Variants in KDM5A observed in about 807,000 individuals in gnomAD.
The protein encoded by KDM5A is lysine demethylase 5A, also known as lysine-specific demethylase 5A.
Under a neutral mutation model 193.5 loss-of-function variants are expected in KDM5A, and 42 were observed. The ratio of observed to expected loss-of-function variants is 0.22; its 90% CI spans 0.17 to 0.28. The LOEUF is 0.28. Ranked by LOEUF, KDM5A falls within the 10% of genes least tolerant of loss-of-function variation. The probability of loss-of-function intolerance (pLI) is 1.00; values close to 1 mark genes in which losing one functional copy is unlikely to be tolerated. For missense variants in KDM5A, 1,692 were observed against 2,055.1 expected (o/e 0.82, Z 3.42); for synonymous variants, 796 against 718.1 (o/e 1.11, Z -1.73).
intron 3 of KDM5A, among the ~76,000 whole-genome samples, chr12:366,654 G>C (rs1326823415): frequency 6.6e-6 from 1 of 152,150 alleles, no homozygotes; most frequent in Non-Finnish European, 1.5e-5. Context: ...AAAAGATTAG[G>C]TTGCAGTAGA....
chr12:376,604 C>T (rs1240490628), intron 3 of KDM5A, among the ~76,000 whole-genome samples: 6 of 152,214 alleles, frequency 3.9e-5, no homozygotes, highest in African/African-American at 1.4e-4. Context: ...CACTGTCCAA[C>T]AAGCCCCAGT....
At chr12:385,444 G>A (rs1227510140) in intron 2 of KDM5A, among the ~76,000 whole-genome samples, 2 of 151,762 alleles carry the variant, frequency 1.3e-5, no homozygotes, top group African/African-American at 4.8e-5. Flanking sequence ...TAATTAAAAA[G>A]TAATACTTAA....
chr12:389,127 G>A lies in KDM5A; in HGVS notation c.-36C>T, dbSNP rs775556352. Reference sequence around the variant, plus strand: ...GGGGGGGGGGGGGGGTCCCCGTGGGGAACCGGTGGAGAAAAGCTGGCTGAA... The same window carrying A: ...GGGGGGGGGGGGGGGTCCCCGTGGGAAACCGGTGGAGAAAAGCTGGCTGAA... On this transcript the variant is annotated 5_prime_UTR_variant, in exon 1 of 28. Coordinates refer to ENST00000399788, the MANE Select transcript of KDM5A (RefSeq NM_001042603.3). 9 of 1,589,348 alleles carry A rather than the reference G, an allele frequency of 5.7e-6. No individual in the cohort carries two copies. In the East Asian group the frequency reaches 1.8e-4, roughly 32 times the overall value.
At chr12:331,694 C>G (rs1312291995) in intron 13 of KDM5A, 125 bp downstream of exon 13, 1 of 947,624 alleles carries the variant, frequency 1.1e-6, no homozygotes, top group South Asian at 1.3e-5. Context: ...AATAGCCACT[C>G]CAGTCTCCAC....
At chr12:386,781 C>G (rs1201496816) in intron 1 of KDM5A, among the ~76,000 whole-genome samples, 1 of 152,106 alleles carries the variant, frequency 6.6e-6, no homozygotes, top group Non-Finnish European at 1.5e-5. Flanking sequence ...CTCAGAGAAG[C>G]AATCCTCTTC....
chr12:322,698 C>A, intron 16 of KDM5A, 131 bp from the exon 17 acceptor site: 1 of 780,240 alleles, frequency 1.3e-6, no homozygotes, highest in Non-Finnish European at 2.1e-6. Flanking sequence ...TAGAAACAAA[C>A]AGCTGTGAAA....
intron 3 of KDM5A, among the ~76,000 whole-genome samples, chr12:377,164 C>G (rs1347602833): frequency 6.6e-6 from 1 of 152,136 alleles, no homozygotes; most frequent in African/African-American, 2.4e-5. Context: ...CCCTCTCCAA[C>G]CCCAGCAGAA....
chr12:373,053 C>CT (rs1340752117), intron 3 of KDM5A, among the ~76,000 whole-genome samples: 3 of 152,078 alleles, frequency 2.0e-5, no homozygotes, highest in Non-Finnish European at 4.4e-5. Flanking sequence ...CTAAAATTCT[C>CT]TTTTTTTGTT....
At chr12:370,513 T>C (rs913403936) in intron 3 of KDM5A, among the ~76,000 whole-genome samples, 2 of 152,218 alleles carry the variant, frequency 1.3e-5, no homozygotes, top group Non-Finnish European at 2.9e-5. Flanking sequence ...AAAAGATACA[T>C]GGCATGCACT....
At chr12:348,957 G>A (rs1486479884) in intron 10 of KDM5A, among the ~76,000 whole-genome samples, 1 of 148,916 alleles carries the variant, frequency 6.7e-6, no homozygotes, top group African/African-American at 2.5e-5. Flanking sequence ...ACTCGTTATA[G>A]GGGGAAAAAA....
Position 314,775 on chromosome 12 carries a change from A to T in KDM5A, c.2898-1581T>A, listed in dbSNP as rs1056564226. ...AATAAGAGTGCTCCACAGGAGAATA[A>T]AATAAACATGCACAAAGATGCAGAG... On this transcript the variant is annotated intron_variant, in intron 19 of 27. Coordinates refer to ENST00000399788, the MANE Select transcript of KDM5A (RefSeq NM_001042603.3). Among the ~76,000 whole-genome samples, 18 of 152,182 alleles carry T rather than the reference A, an allele frequency of 1.2e-4. 1 individual carries two copies. Among genetic ancestry groups the T allele is most frequent in the Admixed American group, 2.0e-4 (3 of 15,278 alleles).
intron 13 of KDM5A, among the ~76,000 whole-genome samples, chr12:329,751 A>AT (rs1233190182): frequency 1.3e-5 from 2 of 152,114 alleles, no homozygotes; most frequent in African/African-American, 2.4e-5. Context: ...AATTTTGAAA[A>AT]TTTCCATAAT....
chr12:355,032 G>T, intron 7 of KDM5A, 126 bp downstream of exon 7: 1 of 723,172 alleles, frequency 1.4e-6, no homozygotes, highest in South Asian at 1.5e-5. Flanking sequence ...TAACTTCACA[G>T]ATGTGCCATC....
intron 4 of KDM5A, among the ~76,000 whole-genome samples, chr12:364,614 T>C (rs1307304164): frequency 2.6e-5 from 4 of 151,180 alleles, no homozygotes; most frequent in Non-Finnish European, 5.9e-5. Context: ...TGAAACTCCG[T>C]CTCTACTAAA....
chr12:311,813 C>T (rs1055203158), intron 20 of KDM5A, among the ~76,000 whole-genome samples: 1 of 152,164 alleles, frequency 6.6e-6, no homozygotes, highest in African/African-American at 2.4e-5. Context: ...ACAGGCGGAT[C>T]ACCTGAGGTG....
Position 384,123 on chromosome 12 carries a change from C to A in KDM5A, c.274G>T (p.Asp92Tyr), listed in dbSNP as rs771737812. The A allele has an allele frequency of 6.3e-7, 1 of 1,599,234 alleles. No individual in the cohort carries two copies. The highest frequency in any genetic ancestry group is 1.1e-5 in the South Asian group (1 of 90,740). Residue 92 changes from aspartate (D) to tyrosine (Y), a missense_variant, in exon 3 of 28, where the codon GAT (aspartate) becomes TAT (tyrosine). Coordinates refer to ENST00000399788, the MANE Select transcript of KDM5A (RefSeq NM_001042603.3). The stretch of plus-strand genomic sequence containing the variant: ...AGTTCCCAAAATTTTGCTAGTTGAT[C>A]CAAGAAATCCAATCTCACTCTGGTC... ...AMTRVRLDFL[D>Y]QLAKFWELQG...
intron 5 of KDM5A, among the ~76,000 whole-genome samples, chr12:357,228 G>A (rs1944238279): frequency 6.6e-6 from 1 of 151,732 alleles, no homozygotes; most frequent in Non-Finnish European, 1.5e-5. Flanking sequence ...AGTGAGGCGA[G>A]ATCACGCTGC....
intron 3 of KDM5A, among the ~76,000 whole-genome samples, chr12:381,000 T>C (rs1357804240): frequency 6.7e-6 from 1 of 149,658 alleles, no homozygotes; most frequent in Non-Finnish European, 1.5e-5. Context: ...TTATTTTATT[T>C]TTTTTTTTTA....
At chr12:332,052 A>G (rs1423159842) in intron 12 of KDM5A, 114 bp from the exon 13 acceptor site, 8 of 993,320 alleles carry the variant, frequency 8.1e-6, no homozygotes, top group Non-Finnish European at 1.1e-5. Flanking sequence ...AAAACAATAA[A>G]GCATTAAGTT....
Sources: allele counts gnomAD v4.1 joint callset (sites outside exome capture counted in the v4.1 genomes callset), GRCh38; gene constraint gnomAD v4.1.1; transcripts MANE v1.5; gene names NCBI Gene and HGNC (gene_info 2026-07-23, HGNC 2026-07-21).